Variants in PCDHGB1 observed in about 807,000 individuals in gnomAD.
PCDHGB1 encodes protocadherin gamma subfamily B, 1.
A neutral mutation model predicts 56.6 loss-of-function variants in PCDHGB1; 34 were observed. The observed-to-expected ratio is 0.60, with a 90% CI of 0.46 to 0.80. The LOEUF is 0.80. PCDHGB1 is among the 30% of genes least tolerant of loss of function. The pLI, the probability that PCDHGB1 is intolerant of heterozygous loss-of-function variation, is 0.00. For missense variants in PCDHGB1, 1,278 were observed against 1,204.6 expected, an observed-to-expected ratio of 1.06 and a Z score of -0.90; for synonymous variants, 561 against 505.9, an observed-to-expected ratio of 1.11 and a Z score of -1.46.
At chr5:141,371,305 T>A in intron 1 of PCDHGB1, 1 of 1,613,940 alleles carries the variant, frequency 6.2e-7, no homozygotes, top group Non-Finnish European at 8.5e-7. Context: ...CTCACCACTA[T>A]TGGAGAACTG....
chr5:141,408,575 G>A (rs1300122367), intron 1 of PCDHGB1: 4 of 1,613,918 alleles, frequency 2.5e-6, no homozygotes, highest in East Asian at 2.2e-5. Context: ...GGTGATTGAG[G>A]ATGTTAATGA....
chr5:141,356,684 C>A (rs775190688), intron 1 of PCDHGB1: 9 of 1,613,874 alleles, frequency 5.6e-6, no homozygotes, highest in Non-Finnish European at 7.6e-6. Context: ...GCCGAAGACA[C>A]CTTCCAGGGT....
chr5:141,364,426 C>T (rs1763319753), intron 1 of PCDHGB1: 1 of 1,613,566 alleles, frequency 6.2e-7, no homozygotes. Flanking sequence ...GGCAGATCCG[C>T]TACTCGATGC....
At chr5:141,370,379 A>AGGCGCAGAGAGCGGGAAG in intron 1 of PCDHGB1, 1 of 1,529,484 alleles carries the variant, frequency 6.5e-7, no homozygotes, top group Non-Finnish European at 8.8e-7. Context: ...AGAAAGGCAA[A>AGGCGCAGAGAGCGGGAAG]GGCGCAGAGA....
chr5:141,477,169 G>A lies in PCDHGB1; in HGVS notation c.2410-17638G>A. 6.2e-7 allele frequency: 1 copy of A among 1,614,198 alleles called. No individual in the cohort carries two copies. The highest frequency in any genetic ancestry group is 8.5e-7 in the Non-Finnish European group (1 of 1,180,042). The stretch of plus-strand genomic sequence containing the variant: ...TGGATGTGAATGACAACGCCCCGGA[G>A]ATCACAGTCACCTCCGTGTACAGCC... On this transcript the variant is annotated intron_variant, in intron 1 of 3. Transcript: ENST00000523390. The surrounding 1 kb of genome is among the most constrained non-coding windows in gnomAD (Gnocchi z 4.9).
intron 1 of PCDHGB1, chr5:141,376,531 G>T (rs1240526589): frequency 3.7e-6 from 6 of 1,613,608 alleles, no homozygotes; most frequent in Non-Finnish European, 5.1e-6. Context: ...CGCCTAAGCG[G>T]GAAGAGTAAT....
At chr5:141,508,756 C>A (rs890362975) in intron 3 of PCDHGB1, among the ~76,000 whole-genome samples, 2 of 151,904 alleles carry the variant, frequency 1.3e-5, no homozygotes, top group African/African-American at 4.8e-5. Flanking sequence ...CTTTCTCTGG[C>A]GCCTCTGAGG....
chr5:141,460,224 T>C (rs986301555), intron 1 of PCDHGB1, among the ~76,000 whole-genome samples: 1 of 152,168 alleles, frequency 6.6e-6, no homozygotes, highest in African/African-American at 2.4e-5. Context: ...GTTGTGTCTT[T>C]TGAAGAGCAG....
At chr5:141,354,992 G>T in intron 1 of PCDHGB1, 2 of 650,704 alleles carry the variant, frequency 3.1e-6, no homozygotes, top group Non-Finnish European at 4.7e-6. Flanking sequence ...TCACCAATCA[G>T]GGGGAAAAGA....
Position 141,423,519 on chromosome 5 carries a change from G to A in PCDHGB1, c.2409+70850G>A, listed in dbSNP as rs758742300. On this transcript the variant is annotated intron_variant, in intron 1 of 3. Coordinates refer to ENST00000523390, the MANE Select transcript of PCDHGB1 (RefSeq NM_018922.3). ...ACGAGGTCTCTCTCATTGCGGACTC[G>A]CAGAAGAGTCACCTGATTTTCCCCC... 8.1e-6 allele frequency: 13 copies of A among 1,613,752 alleles called. 1 individual carries two copies. In the South Asian group the frequency reaches 1.1e-4, roughly 14 times the overall value.
At chr5:141,376,069 G>A in intron 1 of PCDHGB1, 1 of 1,613,452 alleles carries the variant, frequency 6.2e-7, no homozygotes, top group Non-Finnish European at 8.5e-7. Context: ...CGCTCACCGT[G>A]GCCGTGGCCG....
At chr5:141,392,575 T>C (rs1185769260) in intron 1 of PCDHGB1, 2 of 459,466 alleles carry the variant, frequency 4.4e-6, no homozygotes, top group Non-Finnish European at 7.7e-6. Flanking sequence ...TATTTAGGAC[T>C]GTAAGCGCCG....
At chr5:141,508,324 G>A (rs1668975090) in intron 3 of PCDHGB1, 1 of 151,252 alleles carries the variant, frequency 6.6e-6, no homozygotes, top group African/African-American at 2.4e-5. Flanking sequence ...GAGGGGCACT[G>A]GAGAACTGAC....
At chr5:141,375,521 GACGTGGACCAGA>G in intron 1 of PCDHGB1, 1 of 1,613,994 alleles carries the variant, frequency 6.2e-7, no homozygotes, top group Non-Finnish European at 8.5e-7. Context: ...ACTGGACCCT[GACGTGGACCAGA>G]ACGCCCAAGT....
At chr5:141,388,401 A>G (rs1243768242) in intron 1 of PCDHGB1, 1 of 1,613,908 alleles carries the variant, frequency 6.2e-7, no homozygotes, top group Non-Finnish European at 8.5e-7. Context: ...TTACCAACTC[A>G]GTCCCAGTGA....
At chr5:141,374,130 T>A (rs368568776) in intron 1 of PCDHGB1, 2 of 1,604,204 alleles carry the variant, frequency 1.2e-6, no homozygotes, top group Middle Eastern at 1.7e-4. Context: ...CAGGTCCTGC[T>A]CCTCACGCTC....
intron 1 of PCDHGB1, chr5:141,409,547 G>A (rs760802690): frequency 1.2e-6 from 2 of 1,613,936 alleles, no homozygotes; most frequent in Non-Finnish European, 1.7e-6. Flanking sequence ...CAACGACAAC[G>A]CCCCAGTTTT....
intron 1 of PCDHGB1, among the ~76,000 whole-genome samples, chr5:141,460,958 T>C (rs182414946): frequency 8.2e-6 from 1 of 121,926 alleles, no homozygotes; most frequent in Non-Finnish European, 1.6e-5. Context: ...TATGTATATA[T>C]ATATGTGTGT....
intron 1 of PCDHGB1, chr5:141,421,999 TC>T: frequency 9.9e-6 from 16 of 1,609,214 alleles, no homozygotes; most frequent in Non-Finnish European, 1.4e-5. Context: ...AAACATCAGC[TC>T]CGGAACTCGG....
Sources: allele counts gnomAD v4.1 joint callset (sites outside exome capture counted in the v4.1 genomes callset), GRCh38; gene constraint gnomAD v4.1.1; non-coding constraint Gnocchi (gnomAD v3.1); transcripts MANE v1.5; gene names NCBI Gene and HGNC (gene_info 2026-07-23, HGNC 2026-07-21).